NCK2: variants seen among roughly 807,000 people sequenced by gnomAD.
NCK2 encodes NCK adaptor protein 2.
NCK2 carries 16 observed loss-of-function variants against 33.9 expected under a neutral mutation model. The observed-to-expected ratio is 0.47, with a 90% CI of 0.32 to 0.72. NCK2 has a LOEUF of 0.72. NCK2 is among the 30% of genes least tolerant of loss of function. The pLI, the probability that NCK2 is intolerant of heterozygous loss-of-function variation, is 0.03. For synonymous variants in NCK2, 273 were observed against 239.9 expected (o/e 1.14, Z -1.27); for missense variants, 418 against 537.3 (o/e 0.78, Z 2.19).
At chr2:105,802,685 TC>T (rs1233470961) in intron 1 of NCK2, among the ~76,000 whole-genome samples, 4 of 152,208 alleles carry the variant, frequency 2.6e-5, no homozygotes, top group African/African-American at 9.6e-5. Context: ...GCATGAGGGA[TC>T]CGCCCTCGCG....
chr2:105,796,994 A>AT (rs1239690193), intron 1 of NCK2, among the ~76,000 whole-genome samples: 1 of 152,174 alleles, frequency 6.6e-6, no homozygotes, highest in African/African-American at 2.4e-5. Flanking sequence ...GTTTGCTGTG[A>AT]TGATGGTTAC....
chr2:105,888,250 T>C (rs1678797934), intron 4 of NCK2, among the ~76,000 whole-genome samples: 1 of 152,206 alleles, frequency 6.6e-6, no homozygotes, highest in African/African-American at 2.4e-5. Flanking sequence ...GAACCATTGA[T>C]TCAAAAACTA....
At chr2:105,758,046 G>C (rs1461808302) in intron 1 of NCK2, among the ~76,000 whole-genome samples, 4 of 152,182 alleles carry the variant, frequency 2.6e-5, no homozygotes, top group Admixed American at 2.6e-4. Flanking sequence ...CACATGATTT[G>C]TGGGTCAATT....
At chr2:105,745,271 C>G (rs1166350719) in intron 1 of NCK2, 133 bp downstream of exon 1, 1 of 151,646 alleles carries the variant, frequency 6.6e-6, no homozygotes, top group Non-Finnish European at 1.5e-5. Context: ...CCTCCGCGCC[C>G]CTCCGGTGCT....
chr2:105,751,746 A>G (rs1689462394), intron 1 of NCK2, among the ~76,000 whole-genome samples: 1 of 152,156 alleles, frequency 6.6e-6, no homozygotes, highest in South Asian at 2.1e-4. Flanking sequence ...GCTCTCTGTC[A>G]TGGGAGGAGA....
At chr2:105,784,779 C>T (rs1284851982) in intron 1 of NCK2, among the ~76,000 whole-genome samples, 2 of 152,144 alleles carry the variant, frequency 1.3e-5, no homozygotes, top group Admixed American at 6.5e-5. Context: ...GTTCCAGGCC[C>T]GTGTTTCCCA....
At chr2:105,771,166 C>T (rs543754938) in intron 1 of NCK2, among the ~76,000 whole-genome samples, 314 of 152,168 alleles carry the variant, frequency 2.1e-3, no homozygotes, top group Middle Eastern at 3.4e-3. Flanking sequence ...TCGTGATCCG[C>T]CTGCCTTGGC....
chr2:105,863,150 C>G (rs762578847), intron 3 of NCK2, among the ~76,000 whole-genome samples: 37 of 152,212 alleles, frequency 2.4e-4, no homozygotes, highest in Non-Finnish European at 3.4e-4. Flanking sequence ...CTGGGTCACC[C>G]CAGGCTGTTT....
chr2:105,873,292 G>A (rs1678090200), intron 3 of NCK2, among the ~76,000 whole-genome samples: 1 of 152,184 alleles, frequency 6.6e-6, no homozygotes, highest in African/African-American at 2.4e-5. Flanking sequence ...ACTGGCCCCA[G>A]TGAATTCATG....
rs750464687 is a variant in NCK2 at position 105,881,872 on chromosome 2, C to T, written c.771C>T (p.Asp257=). ...AAAACTACGTGGTGGTCCTCAGTGA[C>T]GGGCCTGCCCTGCACCCTGCGCACG... ...VPKNYVVVLS[D]GPALHPAHAP... The change falls in exon 4 of 5, where the codon GAC becomes GAT. Residue 257 remains aspartate (D), a synonymous_variant. Coordinates refer to ENST00000233154, the MANE Select transcript of NCK2 (RefSeq NM_003581.5). The T allele has an allele frequency of 1.3e-6, 2 of 1,585,408 alleles. No homozygotes were observed. Among genetic ancestry groups the T allele is most frequent in the East Asian group, 2.2e-5 (1 of 44,694 alleles).
intron 1 of NCK2, among the ~76,000 whole-genome samples, chr2:105,747,358 C>G (rs1041031069): frequency 1.3e-5 from 2 of 152,192 alleles, no homozygotes; most frequent in African/African-American, 4.8e-5. Flanking sequence ...TTAAAATACC[C>G]TAAGACTCCC....
intron 4 of NCK2, among the ~76,000 whole-genome samples, chr2:105,883,213 T>G (rs750023932): frequency 6.6e-6 from 1 of 152,116 alleles, no homozygotes; most frequent in Non-Finnish European, 1.5e-5. Context: ...GTCACCAGAG[T>G]TTATCATTCC....
intron 1 of NCK2, among the ~76,000 whole-genome samples, chr2:105,785,645 C>T (rs946470410): frequency 6.6e-6 from 1 of 152,222 alleles, no homozygotes; most frequent in Non-Finnish European, 1.5e-5. Flanking sequence ...TGAGCCACCT[C>T]AACATCCGCT....
intron 2 of NCK2, among the ~76,000 whole-genome samples, chr2:105,822,799 T>G (rs17031832): frequency 0.013 from 2,048 of 152,074 alleles, 83 homozygotes; most frequent in African/African-American, 0.046. Context: ...TTTCGTGAAT[T>G]CTCTTTAATG....
intron 1 of NCK2, among the ~76,000 whole-genome samples, chr2:105,804,091 A>G (rs1188836803): frequency 4.6e-5 from 7 of 152,270 alleles, no homozygotes; most frequent in Non-Finnish European, 7.4e-5. Flanking sequence ...AATTATATAC[A>G]TAGAGGCAGT....
intron 2 of NCK2, among the ~76,000 whole-genome samples, chr2:105,843,668 C>T (rs1161640479): frequency 6.6e-6 from 1 of 152,064 alleles, no homozygotes; most frequent in Non-Finnish European, 1.5e-5. Flanking sequence ...AAAGCTGGAA[C>T]AATTCAAGAA....
At chr2:105,754,223 G>T (rs182370222) in intron 1 of NCK2, among the ~76,000 whole-genome samples, 2 of 152,212 alleles carry the variant, frequency 1.3e-5, no homozygotes, top group African/African-American at 4.8e-5. Context: ...CACGTAGCAG[G>T]TTCCAGGATA....
chr2:105,842,934 G>A (rs780748328), intron 2 of NCK2, among the ~76,000 whole-genome samples: 23 of 152,152 alleles, frequency 1.5e-4, no homozygotes, highest in Admixed American at 3.3e-4. Context: ...TAGCAGGAGG[G>A]ACAGTCTAGT....
intron 1 of NCK2, among the ~76,000 whole-genome samples, chr2:105,788,203 G>A (rs1005595282): frequency 6.6e-5 from 10 of 152,324 alleles, no homozygotes; most frequent in African/African-American, 2.4e-4. Flanking sequence ...ATGTGAATTG[G>A]AGACAAAAGT....
Sources: allele counts gnomAD v4.1 joint callset (sites outside exome capture counted in the v4.1 genomes callset), GRCh38; gene constraint gnomAD v4.1.1; transcripts MANE v1.5; gene names NCBI Gene and HGNC (gene_info 2026-07-23, HGNC 2026-07-21).